CSRNP3: variants seen among roughly 807,000 people sequenced by gnomAD.
CSRNP3 encodes cysteine/serine-rich nuclear protein 3.
Under a neutral mutation model 48.0 loss-of-function variants are expected in CSRNP3, and 12 were observed. That is an observed-to-expected ratio of 0.25 (90% CI 0.16 to 0.41). The LOEUF (loss-of-function observed/expected upper bound fraction) is 0.41. CSRNP3 is among the 10% of genes least tolerant of loss of function. The pLI is 1.00. For missense variants in CSRNP3, 580 were observed against 724.4 expected, an observed-to-expected ratio of 0.80 and a Z score of 2.29; for synonymous variants, 263 against 269.7, an observed-to-expected ratio of 0.98 and a Z score of 0.24.
intron 3 of CSRNP3, among the ~76,000 whole-genome samples, chr2:165,555,108 A>G (rs1408503578): frequency 1.3e-5 from 2 of 151,966 alleles, no homozygotes; most frequent in Admixed American, 6.6e-5. Context: ...TTGCTTCTCA[A>G]TGCACCCTTC....
intron 4 of CSRNP3, among the ~76,000 whole-genome samples, chr2:165,648,165 A>G (rs74496379): frequency 1.3e-3 from 201 of 152,276 alleles, no homozygotes; most frequent in African/African-American, 4.6e-3. Context: ...AGGAAGACTG[A>G]TTGTGAAATG....
rs1026019397 is a variant in CSRNP3 at position 165,652,601 on chromosome 2, A to C, written c.149-5160A>C. On this transcript the variant is annotated intron_variant, in intron 4 of 6. Coordinates refer to ENST00000651982, the MANE Select transcript of CSRNP3 (RefSeq NM_001172173.2). Reference sequence around the variant, plus strand: ...TCTGTCACCCAGACTGGAGCGCAGTAGTGTAATCTCAGCTCCCCACAACCT... The same window carrying C: ...TCTGTCACCCAGACTGGAGCGCAGTCGTGTAATCTCAGCTCCCCACAACCT... Among the ~76,000 whole-genome samples, 33 of 152,040 alleles carry C rather than the reference A, an allele frequency of 2.2e-4. 1 individual carries two copies. Among genetic ancestry groups the C allele is most frequent in the African/African-American group, 7.7e-4 (32 of 41,406 alleles).
chr2:165,665,897 G>T (rs1357979982), intron 5 of CSRNP3, among the ~76,000 whole-genome samples: 1 of 148,796 alleles, frequency 6.7e-6, no homozygotes, highest in South Asian at 2.2e-4. Context: ...AGGAAGGAGG[G>T]AGGGAAGGAA....
chr2:165,539,443 T>A (rs1395796682), intron 3 of CSRNP3, among the ~76,000 whole-genome samples: 2 of 152,038 alleles, frequency 1.3e-5, no homozygotes, highest in Non-Finnish European at 2.9e-5. Context: ...GCTTCCTTTA[T>A]TGTTTTCCAA....
chr2:165,571,130 T>A (rs1685367339), intron 3 of CSRNP3, among the ~76,000 whole-genome samples: 1 of 151,950 alleles, frequency 6.6e-6, no homozygotes, highest in African/African-American at 2.4e-5. Flanking sequence ...ATATGTATAT[T>A]CACTTTTTAA....
At chr2:165,517,721 T>C (rs922353614) in intron 2 of CSRNP3, among the ~76,000 whole-genome samples, 152 bp from the exon 3 acceptor site, 20 of 152,010 alleles carry the variant, frequency 1.3e-4, no homozygotes, top group African/African-American at 4.8e-4. Flanking sequence ...ATATAGCATA[T>C]GATTATTCAG....
chr2:165,554,018 C>T (rs769302971), intron 3 of CSRNP3, among the ~76,000 whole-genome samples: 2 of 152,178 alleles, frequency 1.3e-5, no homozygotes, highest in African/African-American at 4.8e-5. Flanking sequence ...ATCAAAACTG[C>T]TTGTGAAGAT....
intron 3 of CSRNP3, among the ~76,000 whole-genome samples, chr2:165,529,485 G>A (rs966479583): frequency 2.6e-5 from 4 of 152,064 alleles, no homozygotes; most frequent in Non-Finnish European, 5.9e-5. Flanking sequence ...ATGATTGTGA[G>A]GCCTCTCCAA....
chr2:165,574,972 A>G (rs1464001495), intron 3 of CSRNP3, among the ~76,000 whole-genome samples: 1 of 152,120 alleles, frequency 6.6e-6, no homozygotes, highest in Non-Finnish European at 1.5e-5. Flanking sequence ...TCAGAGCAAT[A>G]ATTTCTTCTA....
At chr2:165,533,638 T>C (rs1324824034) in intron 3 of CSRNP3, among the ~76,000 whole-genome samples, 1 of 152,092 alleles carries the variant, frequency 6.6e-6, no homozygotes, top group African/African-American at 2.4e-5. Flanking sequence ...TAACCACTGT[T>C]ATTGAAAGGA....
At position 165,686,566 on chromosome 2, in the gene CSRNP3, T is replaced by C. The variant is rs541218267; in HGVS notation, c.*6813T>C. On this transcript the variant is annotated 3_prime_UTR_variant, in exon 7 of 7. Transcript: ENST00000651982. Reference sequence around the variant, plus strand: ...CCTAAAGTGGAAAAACCTAAGTATCTAACCTAGGAACTTGTTGCCTGGTGG... The same window carrying C: ...CCTAAAGTGGAAAAACCTAAGTATCCAACCTAGGAACTTGTTGCCTGGTGG... The C allele has an allele frequency of 6.2e-4, 94 of 152,264 alleles. No individual in the cohort carries two copies. Among genetic ancestry groups the C allele is most frequent in the African/African-American group, 2.1e-3 (86 of 41,572 alleles). The allele number at this position is 152,264 out of a possible 1,614,324, so 9.4% of individuals were successfully genotyped here. A position where few individuals can be genotyped will look rare whatever the true frequency, so the allele number is the denominator to read the frequency against.
At chr2:165,609,372 T>C (rs1686093694) in intron 4 of CSRNP3, among the ~76,000 whole-genome samples, 1 of 141,720 alleles carries the variant, frequency 7.1e-6, no homozygotes, top group African/African-American at 2.7e-5. Flanking sequence ...GGCAGGAGAA[T>C]GGCGTGAACT....
At chr2:165,582,467 CA>C (rs1466432879) in intron 3 of CSRNP3, among the ~76,000 whole-genome samples, 14 of 152,090 alleles carry the variant, frequency 9.2e-5, no homozygotes, top group African/African-American at 3.1e-4. Context: ...ATGTGGCAGC[CA>C]AGACGACAGT....
intron 3 of CSRNP3, among the ~76,000 whole-genome samples, chr2:165,523,544 T>TGACC (rs1212832387): frequency 6.6e-6 from 1 of 152,198 alleles, no homozygotes; most frequent in Non-Finnish European, 1.5e-5. Context: ...AAGGCACGGA[T>TGACC]GACCCACAGC....
chr2:165,577,584 A>C (rs1558939125), intron 3 of CSRNP3, among the ~76,000 whole-genome samples: 1 of 151,790 alleles, frequency 6.6e-6, no homozygotes. Flanking sequence ...ATGACATAAT[A>C]ATTATTAGTC....
Position 165,686,797 on chromosome 2 carries a change from A to C in CSRNP3, c.*7044A>C, listed in dbSNP as rs1687637969. 6.6e-6 allele frequency: 1 copy of C among 152,044 alleles called. No homozygotes were observed. The highest frequency in any genetic ancestry group is 1.5e-5 in the Non-Finnish European group (1 of 67,988). The allele number at this position is 152,044 out of a possible 1,614,324, so 9.4% of individuals were successfully genotyped here. On this transcript the variant is annotated 3_prime_UTR_variant, in exon 7 of 7. Coordinates refer to ENST00000651982, the MANE Select transcript of CSRNP3 (RefSeq NM_001172173.2). ...TAGGCACTAGTCATGCCAAATGGGG[A>C]TCTCAGAATAGTTTAATCTTTTCAA...
chr2:165,533,766 A>G (rs1684846121), intron 3 of CSRNP3, among the ~76,000 whole-genome samples: 1 of 152,044 alleles, frequency 6.6e-6, no homozygotes, highest in South Asian at 2.1e-4. Context: ...GCTTATGTTT[A>G]AGACAAGTAG....
intron 4 of CSRNP3, among the ~76,000 whole-genome samples, chr2:165,599,625 T>C (rs977785225): frequency 3.3e-5 from 5 of 152,096 alleles, no homozygotes; most frequent in Non-Finnish European, 2.9e-5. Context: ...GTGAGAGGAG[T>C]AGCTAAAAGA....
At chr2:165,566,098 T>G (rs1685293370) in intron 3 of CSRNP3, among the ~76,000 whole-genome samples, 1 of 151,924 alleles carries the variant, frequency 6.6e-6, no homozygotes, top group African/African-American at 2.4e-5. Flanking sequence ...CCTGAGTTAT[T>G]TAATAAAACT....
Sources: gnomAD v4.1 joint callset for allele counts (sites outside exome capture counted in the v4.1 genomes callset) on GRCh38, gnomAD v4.1.1 for gene constraint, MANE v1.5 for transcripts, NCBI Gene and HGNC (gene_info 2026-07-23, HGNC 2026-07-21) for gene names.